COL23A1: variants seen among roughly 807,000 people sequenced by gnomAD.
COL23A1 encodes collagen alpha-1(XXIII) chain.
A neutral mutation model predicts 99.3 loss-of-function variants in COL23A1; 97 were observed. That is an observed-to-expected ratio of 0.98 (90% CI 0.83 to 1.16). The LOEUF (loss-of-function observed/expected upper bound fraction) is 1.16, where lower values mean the gene tolerates loss of function less well. Ranked by LOEUF, COL23A1 falls within the 50% of genes most tolerant of loss-of-function variation. The pLI is 0.00. For synonymous variants in COL23A1, 320 were observed against 308.2 expected, an observed-to-expected ratio of 1.04 and a Z score of -0.40; for missense variants, 762 against 757.4, an observed-to-expected ratio of 1.01 and a Z score of -0.07.
intron 2 of COL23A1, among the ~76,000 whole-genome samples, chr5:178,402,552 A>G (rs540533863): frequency 3.3e-5 from 5 of 152,286 alleles, no homozygotes; most frequent in Middle Eastern, 3.4e-3. Flanking sequence ...ATAGCTAGAA[A>G]AGAATTATTT....
intron 5 of COL23A1, among the ~76,000 whole-genome samples, chr5:178,271,969 C>G (rs563935884): frequency 6.6e-6 from 1 of 152,342 alleles, no homozygotes; most frequent in African/African-American, 2.4e-5. Flanking sequence ...CTCAGGCTGT[C>G]CCTGCCTCTC....
At chr5:178,273,196 G>C (rs1475814831) in intron 5 of COL23A1, among the ~76,000 whole-genome samples, 1 of 152,228 alleles carries the variant, frequency 6.6e-6, no homozygotes, top group African/African-American at 2.4e-5. Context: ...AGTGCCCGTG[G>C]AAGGGAGCCC....
At chr5:178,263,101 G>C (rs1001298848) in intron 9 of COL23A1, 107 bp downstream of exon 9, 1 of 842,486 alleles carries the variant, frequency 1.2e-6, no homozygotes, top group Non-Finnish European at 2.1e-6. Flanking sequence ...GTTAAGGATA[G>C]TGTGGGGTCT....
At chr5:178,576,606 G>A (rs888666129) in intron 1 of COL23A1, among the ~76,000 whole-genome samples, 16 of 152,168 alleles carry the variant, frequency 1.1e-4, no homozygotes, top group Admixed American at 9.8e-4. Flanking sequence ...CTGGGCTGGC[G>A]CAGAGACCCA....
At chr5:178,554,256 G>A (rs2113502677) in intron 2 of COL23A1, among the ~76,000 whole-genome samples, 1 of 151,922 alleles carries the variant, frequency 6.6e-6, no homozygotes, top group South Asian at 2.1e-4. Flanking sequence ...TTGGCTCACT[G>A]CAACCTCTGC....
chr5:178,309,556 T>C lies in COL23A1; in HGVS notation c.362-2637A>G, dbSNP rs1247988715. ...GCAGATGGACAAGCGGTCTACCCTT[T>C]ATTCTGAGCTCTGTACCTAAATGTC... is the stretch of plus-strand genomic sequence containing the variant. On this transcript the variant is annotated intron_variant, in intron 2 of 28. Transcript: ENST00000390654. The surrounding 1 kb of genome is among the most constrained non-coding windows in gnomAD (Gnocchi z 4.7). Among the ~76,000 whole-genome samples, 1 of 152,032 alleles carries C rather than the reference T, an allele frequency of 6.6e-6. No homozygotes were observed. The highest frequency in any genetic ancestry group is 6.6e-5 in the Admixed American group (1 of 15,266).
At chr5:178,258,233 T>TA (rs1414643031) in intron 12 of COL23A1, among the ~76,000 whole-genome samples, 3 of 73,040 alleles carry the variant, frequency 4.1e-5, no homozygotes, top group Non-Finnish European at 8.5e-5. Flanking sequence ...GATCCTGTCT[T>TA]AAAATATATA....
In COL23A1 at chr5:178,489,005, CTCTGCCCCTCAGGA is replaced by C. The variant is rs533962980; in HGVS notation, c.361+71663_361+71676del. Among the ~76,000 whole-genome samples, 593 of 152,338 alleles carry C rather than the reference CTCTGCCCCTCAGGA, an allele frequency of 3.9e-3. 4 individuals are homozygous for C. The highest frequency in any genetic ancestry group is 6.6e-3 in the Non-Finnish European group (449 of 68,032). On this transcript the variant is annotated intron_variant, in intron 2 of 28. Coordinates refer to ENST00000390654, the MANE Select transcript of COL23A1 (RefSeq NM_173465.4). ...AAACCAAACTCAGCGCCTGGGAAGG[CTCTGCCCCTCAGGA>C]TCTGCCCCTCATCCTTGTGGCCTAT...
At chr5:178,411,187 G>A (rs1483624468) in intron 2 of COL23A1, among the ~76,000 whole-genome samples, 2 of 152,158 alleles carry the variant, frequency 1.3e-5, no homozygotes, top group African/African-American at 4.8e-5. Flanking sequence ...TGGAACCTTT[G>A]TACACTGCTG....
At position 178,387,505 on chromosome 5, in the gene COL23A1, C is replaced by T. The variant is rs1279964505; in HGVS notation, c.362-80586G>A. Among the ~76,000 whole-genome samples the T allele has an allele frequency of 6.6e-6, 1 of 152,182 alleles. No individual in the cohort carries two copies. Reference sequence around the variant, plus strand: ...CACCCCTGCCCATGAGCTCTCCTGGCAGGGTCGGGAACTGCCTGCTGCATC... The same window carrying T: ...CACCCCTGCCCATGAGCTCTCCTGGTAGGGTCGGGAACTGCCTGCTGCATC... On this transcript the variant is annotated intron_variant, in intron 2 of 28. Transcript: ENST00000390654. The surrounding 1 kb of genome is among the most constrained non-coding windows in gnomAD (Gnocchi z 4.7).
intron 4 of COL23A1, chr5:178,288,596 T>C (rs781217362): frequency 1.3e-5 from 8 of 606,248 alleles, no homozygotes; most frequent in Non-Finnish European, 2.1e-5. Flanking sequence ...CACAGTCACA[T>C]GTGTGCCCTC....
chr5:178,292,677 G>A (rs993268431), intron 3 of COL23A1, among the ~76,000 whole-genome samples: 5 of 152,176 alleles, frequency 3.3e-5, no homozygotes, highest in East Asian at 1.9e-4. Flanking sequence ...GGTGGTGGCA[G>A]TGGAAGTGGT....
At chr5:178,272,468 G>T (rs1756344577) in intron 5 of COL23A1, among the ~76,000 whole-genome samples, 1 of 152,212 alleles carries the variant, frequency 6.6e-6, no homozygotes, top group African/African-American at 2.4e-5. Flanking sequence ...GGTCGCTGAG[G>T]GTTTGGCCAT....
rs141942748 is a variant in COL23A1, at chr5:178,512,884, C to G, written c.361+47798G>C. 2.3e-3 allele frequency among the ~76,000 whole-genome samples: 343 copies of G among 152,348 alleles called. 2 individuals carry two copies. The highest frequency in any genetic ancestry group is 8.0e-3 in the African/African-American group (334 of 41,576). ...ACAAGCACATGCATCTTTTCATCCA[C>G]ACCTCCCATTTTCCAGGTCAGGGAA... On this transcript the variant is annotated intron_variant, in intron 2 of 28. Transcript: ENST00000390654.
chr5:178,253,965 A>G (rs1313734976), intron 16 of COL23A1, among the ~76,000 whole-genome samples: 1 of 149,192 alleles, frequency 6.7e-6, no homozygotes, highest in Non-Finnish European at 1.5e-5. Context: ...GGAGTTTGAG[A>G]CCAGCCCGGC....
chr5:178,409,005 CACACACACACACACACAT>C (rs1764921002), intron 2 of COL23A1, among the ~76,000 whole-genome samples: 4 of 148,892 alleles, frequency 2.7e-5, no homozygotes, highest in African/African-American at 5.0e-5. Flanking sequence ...CACACACACA[CACACACACACACACACAT>C]CATGTGGCTG....
At chr5:178,358,634 TAG>T (rs1491134205) in intron 2 of COL23A1, among the ~76,000 whole-genome samples, 1 of 146,450 alleles carries the variant, frequency 6.8e-6, no homozygotes, top group African/African-American at 2.6e-5. Flanking sequence ...TGTATGTGTC[TAG>T]TGTGTGTGTG....
chr5:178,551,042 AT>A (rs1219826228), intron 2 of COL23A1, among the ~76,000 whole-genome samples: 2 of 107,718 alleles, frequency 1.9e-5, no homozygotes, highest in African/African-American at 6.0e-5. Flanking sequence ...AGGGTCTTCC[AT>A]TTTTGGAGAG....
intron 1 of COL23A1, among the ~76,000 whole-genome samples, chr5:178,582,601 C>T (rs778476623): frequency 8.5e-5 from 13 of 152,206 alleles, no homozygotes; most frequent in Non-Finnish European, 1.8e-4. Context: ...CCCCACCTCA[C>T]AGCCAGAACT....
Sources: gnomAD v4.1 joint callset for allele counts (sites outside exome capture counted in the v4.1 genomes callset) on GRCh38, gnomAD v4.1.1 for gene constraint, Gnocchi (gnomAD v3.1) non-coding constraint, MANE v1.5 for transcripts, NCBI Gene and HGNC (gene_info 2026-07-23, HGNC 2026-07-21) for gene names.